Variants in SAMD12 observed in about 807,000 individuals in gnomAD.
SAMD12 encodes sterile alpha motif domain containing 12, also known as sterile alpha motif domain-containing protein 12.
In SAMD12, 9 loss-of-function variants were observed where a neutral mutation model predicts 15.0. The observed-to-expected ratio is 0.60, with a 90% confidence interval of 0.36 to 1.05. The LOEUF is 1.05. Among genes scored for constraint, SAMD12 ranks in the 50% least tolerant of loss-of-function variants. The pLI, the probability that SAMD12 is intolerant of heterozygous loss-of-function variation, is 0.01. For missense variants in SAMD12, 230 were observed against 234.2 expected, an observed-to-expected ratio of 0.98 and a Z score of 0.12; for synonymous variants, 86 against 90.1, an observed-to-expected ratio of 0.96 and a Z score of 0.25.
chr8:118,467,557 T>C (rs1408910425), intron 2 of SAMD12, among the ~76,000 whole-genome samples: 1 of 152,192 alleles, frequency 6.6e-6, no homozygotes, highest in Non-Finnish European at 1.5e-5. Flanking sequence ...GCCATGATCT[T>C]TGCCACAACG....
intron 4 of SAMD12, among the ~76,000 whole-genome samples, chr8:118,339,065 C>CCTGT (rs2130536952): frequency 6.6e-6 from 1 of 152,312 alleles, no homozygotes; most frequent in Admixed American, 6.5e-5. Context: ...GTGGCTCACA[C>CCTGT]CTGTAGTCCC....
At chr8:118,508,725 T>A (rs1320882174) in intron 2 of SAMD12, among the ~76,000 whole-genome samples, 1 of 152,210 alleles carries the variant, frequency 6.6e-6, no homozygotes, top group Non-Finnish European at 1.5e-5. Flanking sequence ...TGAATCAACA[T>A]GCACTGTCTT....
At chr8:118,590,098 T>C (rs1586840706) in intron 1 of SAMD12, among the ~76,000 whole-genome samples, 1 of 152,116 alleles carries the variant, frequency 6.6e-6, no homozygotes, top group East Asian at 1.9e-4. Flanking sequence ...AACCTGCAAC[T>C]TGGGAAGAGC....
At chr8:118,365,293 T>G (rs1269158679) in intron 4 of SAMD12, among the ~76,000 whole-genome samples, 1 of 152,184 alleles carries the variant, frequency 6.6e-6, no homozygotes, top group Non-Finnish European at 1.5e-5. Flanking sequence ...AGATAAGGGA[T>G]GCCCAGATAG....
At chr8:118,432,838 C>T (rs1822455115) in intron 3 of SAMD12, among the ~76,000 whole-genome samples, 1 of 152,098 alleles carries the variant, frequency 6.6e-6, no homozygotes, top group South Asian at 2.1e-4. Flanking sequence ...AACCAAACAC[C>T]ATCACCACCA....
At chr8:118,581,983 T>C (rs1324291086) in intron 1 of SAMD12, among the ~76,000 whole-genome samples, 3 of 152,156 alleles carry the variant, frequency 2.0e-5, no homozygotes, top group African/African-American at 7.2e-5. Flanking sequence ...TTTCTCAGCA[T>C]TCTTCCCCTC....
chr8:118,179,815 C>T, the SAMD12 span, among the ~76,000 whole-genome samples: 1 of 152,128 alleles, frequency 6.6e-6, no homozygotes, highest in Non-Finnish European at 1.5e-5. Context: ...ACTGTGGGTA[C>T]TTATAAAGCC....
intron 4 of SAMD12, among the ~76,000 whole-genome samples, chr8:118,253,771 A>G (rs1051915919): frequency 6.6e-6 from 1 of 152,202 alleles, no homozygotes; most frequent in East Asian, 1.9e-4. Flanking sequence ...CAATCTTATC[A>G]ATGGATTTAA....
At chr8:118,594,519 C>T (rs1307654615) in intron 1 of SAMD12, among the ~76,000 whole-genome samples, 6 of 151,782 alleles carry the variant, frequency 4.0e-5, no homozygotes, top group East Asian at 1.9e-4. Context: ...CCAATAGTTA[C>T]GTTGTAGATG....
chr8:118,579,492 C>G (rs75754763), intron 2 of SAMD12, among the ~76,000 whole-genome samples: 8,576 of 152,144 alleles, frequency 0.056, 340 homozygotes, highest in East Asian at 0.24. Flanking sequence ...GGTAATCATT[C>G]CCCATTCCCT....
rs1812595575 is a variant in SAMD12, at chr8:118,242,475, AC to A, written c.434-44744del. On this transcript the variant is annotated intron_variant, in intron 4 of 4. Transcript: ENST00000409003. ...TATTTTCAGAGAGAGAGAGAGATTC[AC>A]ATTACTTTTATTATAGTATATTGCT... Among the ~76,000 whole-genome samples, 3 of 152,252 alleles carry A rather than the reference AC, an allele frequency of 2.0e-5. No homozygotes were observed. The South Asian group carries it at 6.2e-4, about 32-fold the overall frequency.
chr8:118,435,002 C>G (rs1410048110), intron 3 of SAMD12, among the ~76,000 whole-genome samples: 1 of 80,880 alleles, frequency 1.2e-5, no homozygotes, highest in East Asian at 2.9e-4. Context: ...ACTTGGGAGG[C>G]TGAGGCAGGA....
rs1822691298 is a variant in SAMD12 at position 118,439,972 on chromosome 8, AGAAG to A, written c.193-15_193-12del. 1 of 1,613,424 alleles carries A rather than the reference AGAAG, an allele frequency of 6.2e-7. No homozygotes were observed. Among genetic ancestry groups the A allele is most frequent in the Non-Finnish European group, 8.5e-7 (1 of 1,179,508 alleles). Reference sequence around the variant, plus strand: ...CTTCACCGTAGCTGACTATAAATAAAGAAGGAAGATCTGTCAATGCTGGCCCCAT... The same window carrying A: ...CTTCACCGTAGCTGACTATAAATAAAGAAGATCTGTCAATGCTGGCCCCAT... On this transcript the variant is annotated splice_polypyrimidine_tract_variant and intron_variant, in intron 2 of 3. Coordinates refer to ENST00000314727, the MANE Select transcript of SAMD12 (RefSeq NM_207506.3).
At chr8:118,255,861 T>C (rs1812926798) in intron 4 of SAMD12, among the ~76,000 whole-genome samples, 1 of 152,140 alleles carries the variant, frequency 6.6e-6, no homozygotes, top group Non-Finnish European at 1.5e-5. Context: ...GTCCTTTGGG[T>C]ATATACCCAG....
chr8:118,156,745 A>G, the SAMD12 span, among the ~76,000 whole-genome samples: 3 of 152,242 alleles, frequency 2.0e-5, no homozygotes, highest in Non-Finnish European at 2.9e-5. Context: ...GCTATACAAT[A>G]TGGCAAAATG....
intron 3 of SAMD12, among the ~76,000 whole-genome samples, chr8:118,421,018 T>C (rs1821971362): frequency 6.6e-6 from 1 of 152,204 alleles, no homozygotes; most frequent in Non-Finnish European, 1.5e-5. Flanking sequence ...ATGGCTCTCC[T>C]ATCTGGTCCT....
At chr8:118,311,333 CT>C (rs1213306063) in intron 4 of SAMD12, among the ~76,000 whole-genome samples, 6 of 152,164 alleles carry the variant, frequency 3.9e-5, no homozygotes, top group South Asian at 2.1e-4. Flanking sequence ...AACCCACTAC[CT>C]TTTTTTATGA....
chr8:118,477,620 G>A (rs1050621748), intron 2 of SAMD12, among the ~76,000 whole-genome samples: 2 of 152,130 alleles, frequency 1.3e-5, no homozygotes, highest in South Asian at 2.1e-4. Flanking sequence ...TTGAATATCA[G>A]TTGAACATTT....
chr8:118,547,917 C>T (rs1826178631), intron 2 of SAMD12, among the ~76,000 whole-genome samples: 1 of 152,012 alleles, frequency 6.6e-6, no homozygotes, highest in South Asian at 2.1e-4. Context: ...GACCTCCAAC[C>T]TTCTGGCATA....
Sources: allele counts gnomAD v4.1 joint callset (sites outside exome capture counted in the v4.1 genomes callset), GRCh38; gene constraint gnomAD v4.1.1; transcripts MANE v1.5; gene names NCBI Gene and HGNC (gene_info 2026-07-23, HGNC 2026-07-21).